APOLD1: variants seen among roughly 807,000 people sequenced by gnomAD.
APOLD1 encodes the protein apolipoprotein L domain-containing protein 1.
A neutral mutation model predicts 15.3 loss-of-function variants in APOLD1; 22 were observed. The ratio of observed to expected loss-of-function variants is 1.44; its 90% CI spans 1.03 to 2.05. The LOEUF (loss-of-function observed/expected upper bound fraction) is 2.05, where lower values mean the gene tolerates loss of function less well. Among genes scored for constraint, APOLD1 ranks in the 30% most tolerant of loss-of-function variants. APOLD1 has a pLI of 0.00. For missense variants in APOLD1, 394 were observed against 353.5 expected (o/e 1.11, Z -0.92); for synonymous variants, 190 against 167.4 (o/e 1.13, Z -1.04).
chr12:12,776,348 A>C (rs1947033658), intron 1 of APOLD1, among the ~76,000 whole-genome samples: 1 of 152,242 alleles, frequency 6.6e-6, no homozygotes, highest in Non-Finnish European at 1.5e-5. Flanking sequence ...TAGATGTCTG[A>C]GAACTCGGAA....
intron 1 of APOLD1, among the ~76,000 whole-genome samples, chr12:12,746,870 G>A (rs919079752): frequency 1.8e-4 from 28 of 152,000 alleles, no homozygotes; most frequent in Non-Finnish European, 3.2e-4. Flanking sequence ...TTTAGCACTC[G>A]CTTATAAGTG....
intron 1 of APOLD1, among the ~76,000 whole-genome samples, chr12:12,778,919 C>G (rs1293054812): frequency 1.3e-5 from 2 of 152,132 alleles, no homozygotes; most frequent in Non-Finnish European, 2.9e-5. Context: ...CCTTGTAAGG[C>G]CACAGATGAA....
intron 1 of APOLD1, among the ~76,000 whole-genome samples, chr12:12,760,995 C>T (rs751125204): frequency 3.3e-5 from 5 of 152,172 alleles, no homozygotes; most frequent in East Asian, 1.9e-4. Context: ...GGAACATATT[C>T]GTGCTTTTGA....
At chr12:12,771,408 A>G (rs1393202370) in intron 1 of APOLD1, 1 of 380,018 alleles carries the variant, frequency 2.6e-6, no homozygotes. Flanking sequence ...CAAAATCATC[A>G]TTATTATCCC....
At chr12:12,728,430 C>T (rs1301665859) in intron 1 of APOLD1, among the ~76,000 whole-genome samples, 1 of 151,966 alleles carries the variant, frequency 6.6e-6, no homozygotes, top group East Asian at 1.9e-4. Flanking sequence ...CTTTGGGAGG[C>T]TGAGGCGGGC....
intron 1 of APOLD1, among the ~76,000 whole-genome samples, chr12:12,764,075 G>A (rs1237755617): frequency 6.6e-6 from 1 of 152,046 alleles, no homozygotes; most frequent in Non-Finnish European, 1.5e-5. Context: ...CAGTTCTCAT[G>A]CCTCAGCCTC....
rs144172659 is a variant in APOLD1, at chr12:12,734,319, T to C, written c.96+8223T>C. ...CTGGGAATTCACCAGATCAACTCCC[T>C]GCCTTAGATTAGTTACTTAGGACAT... On this transcript the variant is annotated intron_variant, in intron 1 of 1. Transcript: ENST00000326765. Among the ~76,000 whole-genome samples, 311 of 152,364 alleles carry C rather than the reference T, an allele frequency of 2.0e-3. 1 individual carries two copies. Among genetic ancestry groups the C allele is most frequent in the Non-Finnish European group, 2.7e-3 (182 of 68,032 alleles).
chr12:12,786,926 G>T lies in APOLD1; in HGVS notation c.21G>T (p.Ala7=). MGMERP[A]AREPHGPDAL... is the part of the protein sequence containing the mutation. Reference sequence around the variant, plus strand: ...CCCCGCAGGGAATGGAGAGGCCGGCGGCCCGGGAGCCGCATGGGCCCGACG... The same window carrying T: ...CCCCGCAGGGAATGGAGAGGCCGGCTGCCCGGGAGCCGCATGGGCCCGACG... Residue 7 remains alanine, a synonymous_variant, in exon 2 of 2, where the codon GCG becomes GCT. Coordinates refer to ENST00000356591, the MANE Select transcript of APOLD1 (RefSeq NM_030817.3). The T allele has an allele frequency of 2.1e-6, 3 of 1,449,642 alleles. No homozygotes were observed. The highest frequency in any genetic ancestry group is 2.7e-6 in the Non-Finnish European group (3 of 1,110,110). The allele number at this position is 1,449,642 out of a possible 1,614,324, so 89.8% of individuals were successfully genotyped here.
At chr12:12,749,850 G>C (rs543135827) in intron 1 of APOLD1, among the ~76,000 whole-genome samples, 2 of 152,204 alleles carry the variant, frequency 1.3e-5, no homozygotes, top group South Asian at 2.1e-4. Flanking sequence ...TTCTTTCTTT[G>C]TTTTGCTGGG....
At chr12:12,767,477 TG>T (rs1019554111) in intron 1 of APOLD1, among the ~76,000 whole-genome samples, 4 of 152,038 alleles carry the variant, frequency 2.6e-5, no homozygotes. Context: ...GCCTGGCCAA[TG>T]GGGCAAAACC....
intron 1 of APOLD1, among the ~76,000 whole-genome samples, chr12:12,743,616 C>G (rs144600151): frequency 1.3e-5 from 2 of 152,182 alleles, no homozygotes; most frequent in African/African-American, 4.8e-5. Context: ...CAAAGAGATA[C>G]ACATCCTAAT....
chr12:12,750,125 C>T (rs895447339), intron 1 of APOLD1, among the ~76,000 whole-genome samples: 3 of 152,118 alleles, frequency 2.0e-5, no homozygotes, highest in Admixed American at 2.0e-4. Flanking sequence ...GTAATCCCAG[C>T]ATTTTGCGAG....
At chr12:12,769,586 G>A (rs1424855941) in intron 1 of APOLD1, among the ~76,000 whole-genome samples, 1 of 152,166 alleles carries the variant, frequency 6.6e-6, no homozygotes, top group Non-Finnish European at 1.5e-5. Flanking sequence ...ATCCTCTCAT[G>A]CTTCCAACAA....
chr12:12,758,556 A>T (rs1347177685), intron 1 of APOLD1, among the ~76,000 whole-genome samples: 2 of 152,134 alleles, frequency 1.3e-5, no homozygotes, highest in Non-Finnish European at 2.9e-5. Flanking sequence ...AGCAAAACAA[A>T]ACAAATCAAA....
At chr12:12,733,073 G>A (rs1946654692) in intron 1 of APOLD1, among the ~76,000 whole-genome samples, 1 of 151,906 alleles carries the variant, frequency 6.6e-6, no homozygotes, top group Non-Finnish European at 1.5e-5. Context: ...CAGCACTTTG[G>A]GAGACCGAGA....
chr12:12,784,325 C>T (rs141025649), upstream of APOLD1, among the ~76,000 whole-genome samples: 92 of 152,294 alleles, frequency 6.0e-4, no homozygotes, highest in African/African-American at 2.0e-3. Flanking sequence ...CGCTGGCCCA[C>T]ATCCCATTTG....
intron 1 of APOLD1, among the ~76,000 whole-genome samples, chr12:12,747,817 A>ATGGAGTGATTGAGGCTTC (rs1946778537): frequency 6.6e-6 from 1 of 152,354 alleles, no homozygotes; most frequent in East Asian, 1.9e-4. Flanking sequence ...GTGAACACAC[A>ATGGAGTGATTGAGGCTTC]TGGAGTGATT....
chr12:12,783,379 C>G (rs561212928), upstream of APOLD1, among the ~76,000 whole-genome samples: 85 of 151,796 alleles, frequency 5.6e-4, 1 homozygote, highest in African/African-American at 2.0e-3. Context: ...GGTGTGATCT[C>G]GGCTCACTGC....
chr12:12,759,994 C>A (rs921319783), intron 1 of APOLD1, among the ~76,000 whole-genome samples: 1 of 152,124 alleles, frequency 6.6e-6, no homozygotes, highest in Non-Finnish European at 1.5e-5. Context: ...AACTATACAA[C>A]ACCATGAAAA....
Sources: allele counts gnomAD v4.1 joint callset (sites outside exome capture counted in the v4.1 genomes callset), GRCh38; gene constraint gnomAD v4.1.1; transcripts MANE v1.5; gene names NCBI Gene and HGNC (gene_info 2026-07-23, HGNC 2026-07-21).